The following CMTM4 variants were observed in gnomAD, a reference collection of about 807,000 sequenced individuals.
CMTM4 encodes CKLF like MARVEL transmembrane domain containing 4, also known as CKLF-like MARVEL transmembrane domain-containing protein 4.
CMTM4 carries 8 observed loss-of-function variants against 19.0 expected under a neutral mutation model. The ratio of observed to expected loss-of-function variants is 0.42; its 90% CI spans 0.25 to 0.76. The LOEUF is 0.76. Ranked by LOEUF, CMTM4 falls within the 30% of genes least tolerant of loss-of-function variation. CMTM4 has a pLI of 0.27. For synonymous variants in CMTM4, 106 were observed against 121.1 expected (o/e 0.88, Z 0.82); for missense variants, 228 against 290.2 (o/e 0.79, Z 1.56).
chr16:66,658,112 C>A (rs1046459668), intron 1 of CMTM4, among the ~76,000 whole-genome samples: 3 of 151,948 alleles, frequency 2.0e-5, no homozygotes, highest in Admixed American at 1.3e-4. Context: ...TGCCTGTAGT[C>A]CCAGCTACTC....
chr16:66,636,058 T>C (rs2015986293), intron 2 of CMTM4, among the ~76,000 whole-genome samples: 1 of 152,224 alleles, frequency 6.6e-6, no homozygotes, highest in African/African-American at 2.4e-5. Context: ...ATAAATGGCT[T>C]TTAGGTCCAG....
intron 1 of CMTM4, among the ~76,000 whole-genome samples, chr16:66,647,255 C>T (rs886358440): frequency 2.1e-5 from 3 of 143,360 alleles, no homozygotes; most frequent in Non-Finnish European, 3.0e-5. Context: ...AATGGGGAGG[C>T]GGAGGTTACA....
the CMTM4 span, among the ~76,000 whole-genome samples, chr16:66,601,494 A>C: frequency 1.6e-3 from 245 of 152,262 alleles, 2 homozygotes; most frequent in African/African-American, 5.6e-3. Context: ...GAGTGGAGGA[A>C]GTGTGAGCCC....
Position 66,675,107 on chromosome 16 carries a change from G to A in CMTM4, c.186+21233C>T, listed in dbSNP as rs150858616. ...TTTTAATTTTTTTTTTTGAGACAGA[G>A]TCTCACTCTGTTGGCCAGGCTGGAG... On this transcript the variant is annotated intron_variant, in intron 1 of 3. Coordinates refer to ENST00000394106, the MANE Select transcript of CMTM4 (RefSeq NM_181521.3). 1.5e-4 allele frequency among the ~76,000 whole-genome samples: 22 copies of A among 146,168 alleles called. No homozygotes were observed. In the East Asian group the frequency reaches 4.5e-3, roughly 30 times the overall value.
intron 1 of CMTM4, among the ~76,000 whole-genome samples, chr16:66,695,658 C>G (rs992714921): frequency 6.6e-6 from 1 of 152,178 alleles, no homozygotes; most frequent in Admixed American, 6.5e-5. Flanking sequence ...CTGCTACCTC[C>G]AAAACTGGCT....
At chr16:66,683,129 G>GTGTA (rs1325246543) in intron 1 of CMTM4, among the ~76,000 whole-genome samples, 9 of 115,954 alleles carry the variant, frequency 7.8e-5, no homozygotes, top group African/African-American at 1.3e-4. Context: ...GTGTGTGTGT[G>GTGTA]TATATATATA....
intron 1 of CMTM4, among the ~76,000 whole-genome samples, chr16:66,692,457 A>G (rs1309842809): frequency 6.6e-6 from 1 of 152,218 alleles, no homozygotes; most frequent in Non-Finnish European, 1.5e-5. Flanking sequence ...CACCTGGGGA[A>G]TCTTGTTTAA....
At chr16:66,599,197 T>C in the CMTM4 span, among the ~76,000 whole-genome samples, 1 of 151,656 alleles carries the variant, frequency 6.6e-6, no homozygotes, top group Non-Finnish European at 1.5e-5. Context: ...GGCTGAGGCA[T>C]GAGAATCACT....
chr16:66,608,823 C>T, the CMTM4 span, among the ~76,000 whole-genome samples: 1 of 152,216 alleles, frequency 6.6e-6, no homozygotes, highest in Non-Finnish European at 1.5e-5. The surrounding 1 kb of genome is among the most constrained non-coding windows in gnomAD (Gnocchi z 5.1). Flanking sequence ...ACTTGCAGGG[C>T]TTACCCAGAC....
At chr16:66,663,532 CTTTTTTTTTTTTT>C (rs1178140315) in intron 1 of CMTM4, among the ~76,000 whole-genome samples, 2 of 55,254 alleles carry the variant, frequency 3.6e-5, no homozygotes, top group South Asian at 6.8e-4. Flanking sequence ...TTTTCATTTG[CTTTTTTTTTTTTT>C]TTTTTTTTTT....
intron 2 of CMTM4, among the ~76,000 whole-genome samples, chr16:66,632,864 C>T (rs1389861830): frequency 6.6e-6 from 1 of 151,692 alleles, no homozygotes; most frequent in African/African-American, 2.4e-5. Flanking sequence ...GGGCAGGTCA[C>T]CTGAGGTTGG....
the CMTM4 span, among the ~76,000 whole-genome samples, chr16:66,601,064 G>A: frequency 6.6e-6 from 1 of 151,746 alleles, no homozygotes; most frequent in Admixed American, 6.6e-5. Context: ...CCCTGTGCAG[G>A]TTGGGAAGCT....
At chr16:66,670,481 T>C (rs2016683861) in intron 1 of CMTM4, among the ~76,000 whole-genome samples, 1 of 143,160 alleles carries the variant, frequency 7.0e-6, no homozygotes, top group South Asian at 2.3e-4. Flanking sequence ...TCTATACGTA[T>C]ATTGCACTTC....
rs2017243279 is a variant in CMTM4 at position 66,696,606 on chromosome 16, C to T, written c.-81G>A. 7 of 521,194 alleles carry T rather than the reference C, an allele frequency of 1.3e-5. No individual in the cohort carries two copies. The highest frequency in any genetic ancestry group is 1.2e-5 in the Non-Finnish European group (5 of 427,490). 32.3% of individuals were successfully genotyped at this position (521,194 alleles called of 1,614,324 possible). The stretch of plus-strand genomic sequence containing the variant: ...CGGACTCAGCGGGGCCGCCGCATCG[C>T]CGCCGCCGCCGCCGCCGCCGCCGCC... On this transcript the variant is annotated 5_prime_UTR_variant, in exon 1 of 4. Transcript: ENST00000394106. This position sits in a 1 kb window ranked among gnomAD's most constrained non-coding sequence, Gnocchi z 4.3.
At chr16:66,686,318 T>C (rs1280245294) in intron 1 of CMTM4, among the ~76,000 whole-genome samples, 7 of 150,824 alleles carry the variant, frequency 4.6e-5, no homozygotes, top group African/African-American at 1.5e-4. Context: ...TCCCAGCACT[T>C]TGGGAGGCCA....
At chr16:66,669,385 T>C (rs999983509) in intron 1 of CMTM4, among the ~76,000 whole-genome samples, 2 of 151,930 alleles carry the variant, frequency 1.3e-5, no homozygotes, top group Admixed American at 6.6e-5. Flanking sequence ...ATCCTCATTA[T>C]GGTAGTGGCT....
intron 1 of CMTM4, among the ~76,000 whole-genome samples, chr16:66,687,832 C>T (rs1249630876): frequency 2.0e-5 from 3 of 151,992 alleles, no homozygotes; most frequent in East Asian, 1.9e-4. Context: ...GGACTACAGG[C>T]GCCTGCCACC....
chr16:66,627,811 G>A (rs8057878), intron 2 of CMTM4, among the ~76,000 whole-genome samples: 6,551 of 152,218 alleles, frequency 0.043, 260 homozygotes, highest in East Asian at 0.16. Context: ...AAGACACAGA[G>A]ACAAAGCATA....
chr16:66,618,399 C>G lies in CMTM4; in HGVS notation c.*3659G>C, dbSNP rs1682044012. 1.0e-6 allele frequency: 1 copy of G among 985,346 alleles called. No homozygotes were observed. Among genetic ancestry groups the G allele is most frequent in the African/African-American group, 1.7e-5 (1 of 57,246 alleles). 61.0% of individuals were successfully genotyped at this position (985,346 alleles called of 1,614,324 possible). A position where few individuals can be genotyped will look rare whatever the true frequency, so the allele number is the denominator to read the frequency against. On this transcript the variant is annotated 3_prime_UTR_variant, in exon 4 of 4. Transcript: ENST00000394106. ...GAACCCTTAAATCATCACTGCCTTG[C>G]AGAATCACTAAATTGTTCAGGTGTC...
Sources: allele counts gnomAD v4.1 joint callset (sites outside exome capture counted in the v4.1 genomes callset), GRCh38; gene constraint gnomAD v4.1.1; non-coding constraint Gnocchi (gnomAD v3.1); transcripts MANE v1.5; gene names NCBI Gene and HGNC (gene_info 2026-07-23, HGNC 2026-07-21).